The following CAPS2 variants were observed in gnomAD, a reference collection of about 807,000 sequenced individuals.
The protein encoded by CAPS2 is calcyphosine 2.
In CAPS2, 98 loss-of-function variants were observed where a neutral mutation model predicts 86.5. The ratio of observed to expected loss-of-function variants is 1.13; its 90% CI spans 0.96 to 1.34. The LOEUF (loss-of-function observed/expected upper bound fraction) is 1.34, where lower values mean the gene tolerates loss of function less well. Among genes scored for constraint, CAPS2 ranks in the 40% most tolerant of loss-of-function variants. The probability of loss-of-function intolerance (pLI) is 0.00; values close to 1 mark genes in which losing one functional copy is unlikely to be tolerated. For missense variants in CAPS2, 729 were observed against 686.8 expected (o/e 1.06, Z -0.69); for synonymous variants, 210 against 225.1 (o/e 0.93, Z 0.60).
chr12:75,369,772 C>T, intron 1 of CAPS2: 1 of 984,006 alleles, frequency 1.0e-6, no homozygotes, highest in South Asian at 4.7e-5. Flanking sequence ...TGACATAACA[C>T]TGTTGGTAGG....
chr12:75,339,150 T>C (rs549796299), intron 1 of CAPS2, among the ~76,000 whole-genome samples: 1 of 152,360 alleles, frequency 6.6e-6, no homozygotes, highest in Admixed American at 6.5e-5. Context: ...ATGGTATTTC[T>C]GACTCTAGAT....
At chr12:75,319,308 G>A (rs1046221246) in intron 5 of CAPS2, among the ~76,000 whole-genome samples, 2 of 152,104 alleles carry the variant, frequency 1.3e-5, no homozygotes, top group African/African-American at 2.4e-5. Flanking sequence ...TCGATCTCTC[G>A]TGAATAGATC....
chr12:75,336,949 A>C (rs2041777272), intron 1 of CAPS2, among the ~76,000 whole-genome samples: 1 of 151,834 alleles, frequency 6.6e-6, no homozygotes, highest in Non-Finnish European at 1.5e-5. Context: ...TTAAACCAGA[A>C]ATAAAGTGTG....
chr12:75,276,173 C>A, downstream of CAPS2: 1 of 1,521,124 alleles, frequency 6.6e-7, no homozygotes, highest in Admixed American at 2.2e-5. Flanking sequence ...TTATATATGC[C>A]CATTACCTTC....
chr12:75,316,415 GCTT>G, exon 6 of CAPS2: 2 of 1,549,464 alleles, frequency 1.3e-6, no homozygotes, highest in East Asian at 4.9e-5. Context: ...ATCTGTGTTG[GCTT>G]CTTCATCTTG....
upstream of CAPS2, among the ~76,000 whole-genome samples, chr12:75,326,863 TG>T (rs2040833190): frequency 6.6e-6 from 1 of 152,088 alleles, no homozygotes; most frequent in African/African-American, 2.4e-5. Context: ...CCAGAATCCT[TG>T]TAAGAGGGAA....
At chr12:75,313,883 C>T (rs888894963) in intron 6 of CAPS2, among the ~76,000 whole-genome samples, 2 of 152,088 alleles carry the variant, frequency 1.3e-5, no homozygotes, top group African/African-American at 4.8e-5. Flanking sequence ...AAGTTGGGCA[C>T]AATTATTTAA....
At chr12:75,384,085 CATATGCTTTCACTG>C (rs1195161279) in intron 1 of CAPS2, among the ~76,000 whole-genome samples, 1 of 151,900 alleles carries the variant, frequency 6.6e-6, no homozygotes, top group East Asian at 1.9e-4. Flanking sequence ...TCTAAAATCG[CATATGCTTTCACTG>C]TTAGAAACTA....
intron 1 of CAPS2, chr12:75,360,250 T>A (rs148295689): frequency 6.6e-6 from 1 of 152,302 alleles, no homozygotes; most frequent in African/African-American, 2.4e-5. Flanking sequence ...CTTGTCTTTT[T>A]ACATTTCCCA....
chr12:75,331,886 T>C (rs529355663), upstream of CAPS2, among the ~76,000 whole-genome samples: 3 of 152,298 alleles, frequency 2.0e-5, no homozygotes, highest in African/African-American at 7.2e-5. Context: ...TAAAAAGTTA[T>C]AAAAGAACTT....
chr12:75,323,469 C>A (rs959597813), intron 2 of CAPS2, among the ~76,000 whole-genome samples: 1 of 152,140 alleles, frequency 6.6e-6, no homozygotes, highest in African/African-American at 2.4e-5. Context: ...CTTGGCCGGG[C>A]GCAGTGGCTT....
chr12:75,287,145 C>G (rs2035024237), intron 14 of CAPS2, among the ~76,000 whole-genome samples: 1 of 151,342 alleles, frequency 6.6e-6, no homozygotes, highest in Admixed American at 6.6e-5. Context: ...AGGACCAGTT[C>G]ATAATTCCCA....
intron 1 of CAPS2, among the ~76,000 whole-genome samples, chr12:75,342,926 C>T (rs895504270): frequency 4.2e-4 from 63 of 151,586 alleles, no homozygotes; most frequent in African/African-American, 1.5e-3. Flanking sequence ...GAATGTTTTG[C>T]AGCTATTCAT....
chr12:75,323,598 C>G (rs2040503228), intron 2 of CAPS2, among the ~76,000 whole-genome samples: 1 of 152,092 alleles, frequency 6.6e-6, no homozygotes, highest in African/African-American at 2.4e-5. Context: ...ACAAAACAAG[C>G]CAGGCGTGGT....
intron 1 of CAPS2, among the ~76,000 whole-genome samples, chr12:75,382,199 A>G (rs187765878): frequency 6.6e-6 from 1 of 152,364 alleles, no homozygotes. Context: ...AATAACATCT[A>G]TACAGAGAAC....
At chr12:75,320,012 TAGA>T (rs889274498) in intron 5 of CAPS2, among the ~76,000 whole-genome samples, 1 of 152,134 alleles carries the variant, frequency 6.6e-6, no homozygotes, top group African/African-American at 2.4e-5. Context: ...GCTTTTTAAC[TAGA>T]AGTTCTTCTA....
chr12:75,316,415 G>C, exon 6 of CAPS2: 2 of 1,549,464 alleles, frequency 1.3e-6, no homozygotes, highest in Non-Finnish European at 1.7e-6. Flanking sequence ...ATCTGTGTTG[G>C]CTTCTTCATC....
At chr12:75,347,598 T>C in intron 1 of CAPS2, 1 of 1,478,732 alleles carries the variant, frequency 6.8e-7, no homozygotes, top group South Asian at 1.1e-5. Context: ...CCATATTTTA[T>C]CTTGACATTC....
chr12:75,290,939 A>AAAAAACAAC (rs1323900912), intron 13 of CAPS2, among the ~76,000 whole-genome samples: 1 of 151,680 alleles, frequency 6.6e-6, no homozygotes, highest in African/African-American at 2.4e-5. Flanking sequence ...AAAAAACAAA[A>AAAAAACAAC]AAAAAACATA....
Sources: allele counts gnomAD v4.1 joint callset (sites outside exome capture counted in the v4.1 genomes callset), GRCh38; gene constraint gnomAD v4.1.1; transcripts MANE v1.5; gene names NCBI Gene and HGNC (gene_info 2026-07-23, HGNC 2026-07-21).